MYO9A: variants seen among roughly 807,000 people sequenced by gnomAD.
MYO9A encodes the protein unconventional myosin-IXa.
In MYO9A, 103 loss-of-function variants were observed where a neutral mutation model predicts 293.3. The observed-to-expected ratio is 0.35, with a 90% CI of 0.30 to 0.41. The LOEUF is 0.41. Among genes scored for constraint, MYO9A ranks in the 10% least tolerant of loss-of-function variants. The probability of loss-of-function intolerance (pLI) is 1.00; values close to 1 mark genes in which losing one functional copy is unlikely to be tolerated. For synonymous variants in MYO9A, 1,001 were observed against 1,035.7 expected (o/e 0.97, Z 0.64); for missense variants, 2,685 against 3,033.0 (o/e 0.89, Z 2.69).
At chr15:71,841,743 T>TTCTCA (rs1385054115) in intron 39 of MYO9A, among the ~76,000 whole-genome samples, 1 of 151,674 alleles carries the variant, frequency 6.6e-6, no homozygotes, top group African/African-American at 2.4e-5. Flanking sequence ...TCAGGTGATT[T>TTCTCA]TCTCATCTCA....
chr15:71,994,681 A>G, intron 9 of MYO9A, 96 bp from the exon 10 acceptor site: 1 of 613,742 alleles, frequency 1.6e-6, no homozygotes, highest in South Asian at 3.2e-5. Context: ...GAAACTTACT[A>G]TCCTGAATTA....
At chr15:71,857,680 T>A (rs1025727147) in intron 34 of MYO9A, among the ~76,000 whole-genome samples, 1 of 151,428 alleles carries the variant, frequency 6.6e-6, no homozygotes, top group Non-Finnish European at 1.5e-5. Flanking sequence ...TATGTTTGTA[T>A]CGACAGTTTT....
At chr15:72,073,374 A>C (rs1300516167) in intron 1 of MYO9A, among the ~76,000 whole-genome samples, 1 of 152,222 alleles carries the variant, frequency 6.6e-6, no homozygotes, top group Non-Finnish European at 1.5e-5. Flanking sequence ...ACATCAAAAA[A>C]TTATAACAAA....
intron 19 of MYO9A, among the ~76,000 whole-genome samples, chr15:71,916,060 C>T (rs1292943557): frequency 1.3e-5 from 2 of 152,114 alleles, no homozygotes; most frequent in Non-Finnish European, 2.9e-5. Flanking sequence ...ATTATGCTAA[C>T]AGTGACATTA....
At chr15:72,037,565 T>C (rs2957368) in intron 2 of MYO9A, among the ~76,000 whole-genome samples, 107,258 of 151,904 alleles carry the variant, frequency 0.71, 38,419 homozygotes, top group Non-Finnish European at 0.76. Context: ...CTGGAGGCCT[T>C]AACTTCAGGC....
rs138578489 is a variant in MYO9A, at chr15:72,047,888, T to C, written c.-71-1254A>G. Among the ~76,000 whole-genome samples, 965 of 144,816 alleles carry C rather than the reference T, an allele frequency of 6.7e-3. 11 individuals are homozygous for C. Among genetic ancestry groups the C allele is most frequent in the African/African-American group, 0.024 (937 of 39,504 alleles). On this transcript the variant is annotated intron_variant, in intron 1 of 41. Transcript: ENST00000356056. ...CATCACCCGGGCTCAGGTGATCCTCTCACCTCAACCTGGCTGGGACTACAG... is the reference window on the plus strand; with the variant it reads ...CATCACCCGGGCTCAGGTGATCCTCCCACCTCAACCTGGCTGGGACTACAG...
chr15:72,014,988 C>A (rs1406792797), intron 6 of MYO9A, among the ~76,000 whole-genome samples: 1 of 150,002 alleles, frequency 6.7e-6, no homozygotes, highest in Admixed American at 6.8e-5. Context: ...GGACTACAGG[C>A]ACGTATCACC....
chr15:72,077,705 G>A (rs1223088182), intron 1 of MYO9A, among the ~76,000 whole-genome samples: 4 of 139,548 alleles, frequency 2.9e-5, no homozygotes, highest in Non-Finnish European at 4.5e-5. Context: ...ACTCCAGCCT[G>A]GGCAACAGAG....
At position 72,094,461 on chromosome 15, in the gene MYO9A, T is replaced by C. The variant is rs1227675512; in HGVS notation, c.-72+23219A>G. ...CATGTGCTCACTTCGTGTCTCTGTGTCAAATTTTGGTAATTCTTGCAGTAT... is the reference window on the plus strand; with the variant it reads ...CATGTGCTCACTTCGTGTCTCTGTGCCAAATTTTGGTAATTCTTGCAGTAT... On this transcript the variant is annotated intron_variant, in intron 1 of 41. Transcript: ENST00000356056. 2.2e-5 allele frequency among the ~76,000 whole-genome samples: 2 copies of C among 91,624 alleles called. 1 individual carries two copies. Among genetic ancestry groups the C allele is most frequent in the Non-Finnish European group, 6.6e-5 (2 of 30,286 alleles). The allele number at this position is 91,624 out of a possible 152,430, so 60.1% of individuals were successfully genotyped here.
intron 6 of MYO9A, 136 bp from the exon 7 acceptor site, chr15:72,010,583 T>C: frequency 1.5e-6 from 1 of 671,858 alleles, no homozygotes; most frequent in Non-Finnish European, 2.5e-6. Context: ...TAGTAAGACC[T>C]AGTCAAATTC....
At chr15:71,934,497 A>T (rs1312732341) in intron 17 of MYO9A, among the ~76,000 whole-genome samples, 1 of 152,162 alleles carries the variant, frequency 6.6e-6, no homozygotes, top group Non-Finnish European at 1.5e-5. Context: ...GATTCAGACA[A>T]GGATTATGGA....
chr15:72,046,238 T>C lies in MYO9A; in HGVS notation c.326A>G (p.Glu109Gly). 1 of 1,613,826 alleles carries C rather than the reference T, an allele frequency of 6.2e-7. No individual in the cohort carries two copies. Among genetic ancestry groups the C allele is most frequent in the Non-Finnish European group, 8.5e-7 (1 of 1,179,782 alleles). Reference protein sequence around the residue: ...SGEDYRFLLREKNLDGSIHYG... With the variant: ...SGEDYRFLLRGKNLDGSIHYG... ...ATGGATTGATCCATCAAGGTTTTTC[T>C]CTCTCAGAAGGAAGCGGTAGTCCTC... Residue 109 changes from glutamate (E) to glycine (G), a missense_variant, in exon 2 of 42, where the codon GAG (glutamate) becomes GGG (glycine). This residue lies in a region of MYO9A where 63 missense variants were observed against 57.9 expected (regional missense o/e 1.09). Transcript: ENST00000356056.
Position 71,822,424 on chromosome 15 carries a change from ACC to A in MYO9A, c.*4154_*4155del, listed in dbSNP as rs888760877. On this transcript the variant is annotated 3_prime_UTR_variant, in exon 42 of 42. Transcript: ENST00000356056. ...ACAGATGGTATCTTGTTACCCCTCA[ACC>A]CCCCAGCAAAGAAAAAAAAACAAAA... 5 of 151,510 alleles carry A rather than the reference ACC, an allele frequency of 3.3e-5. No homozygotes were observed. The highest frequency in any genetic ancestry group is 1.2e-4 in the African/African-American group (5 of 41,170). The allele number at this position is 151,510 out of a possible 1,614,324, so 9.4% of individuals were successfully genotyped here.
chr15:71,960,054 C>T lies in MYO9A; in HGVS notation c.2029G>A (p.Val677Ile). Reference sequence around the variant, plus strand: ...TTCTTGCTGCTTCTCAGAAGAGCTACAATGTCTGGGCGCATATGATCTGTA... The same window carrying T: ...TTCTTGCTGCTTCTCAGAAGAGCTATAATGTCTGGGCGCATATGATCTGTA... Reference protein sequence around the residue: ...KNTDHMRPDIVALLRSSKNAF... With the variant: ...KNTDHMRPDIIALLRSSKNAF... The change falls in exon 14 of 42, where the codon GTA (valine) becomes ATA (isoleucine). Residue 677 changes from valine (V) to isoleucine (I), a missense_variant. Physicochemically the swap from Val to Ile is conservative, Grantham distance 29. Transcript: ENST00000356056. 23 of 1,613,982 alleles carry T rather than the reference C, an allele frequency of 1.4e-5. No individual in the cohort carries two copies. The highest frequency in any genetic ancestry group is 1.9e-5 in the Non-Finnish European group (23 of 1,179,950).
chr15:72,091,608 A>T (rs1464862323), intron 1 of MYO9A, among the ~76,000 whole-genome samples: 1 of 152,196 alleles, frequency 6.6e-6, no homozygotes, highest in Non-Finnish European at 1.5e-5. Context: ...CTTCATATTC[A>T]AAAAAGAATG....
Position 71,862,477 on chromosome 15 carries a change from C to A in MYO9A, c.6091+23G>T, listed in dbSNP as rs778079419. ...AGAAATGTCAGTGGTTAAAAATATT[C>A]CTCAAAGATCTCTCATACTTACATT... is the stretch of plus-strand genomic sequence containing the variant. On this transcript the variant is annotated intron_variant, in intron 33 of 41. Transcript: ENST00000356056. The A allele has an allele frequency of 9.2e-6, 14 of 1,515,494 alleles. No individual in the cohort carries two copies. The East Asian group carries it at 3.2e-4, about 34-fold the overall frequency. 93.9% of individuals were successfully genotyped at this position (1,515,494 alleles called of 1,614,324 possible).
intron 34 of MYO9A, among the ~76,000 whole-genome samples, chr15:71,859,080 G>C (rs2141630147): frequency 6.6e-6 from 1 of 152,260 alleles, no homozygotes; most frequent in Non-Finnish European, 1.5e-5. Context: ...TTTAATTCCT[G>C]AATCAAATTT....
intron 39 of MYO9A, among the ~76,000 whole-genome samples, chr15:71,845,170 C>A (rs1286238001): frequency 6.6e-6 from 1 of 152,080 alleles, no homozygotes; most frequent in African/African-American, 2.4e-5. Context: ...GATCCTTTAT[C>A]CAAGGCTTTT....
At position 71,993,193 on chromosome 15, in the gene MYO9A, T is replaced by C. The variant is rs143004978; in HGVS notation, c.1587+1276A>G. ...TGGTGAAACCCATCTCAACTAAAAA[T>C]ACAAAAATTAGCCAGGCATTGTGGC... On this transcript the variant is annotated intron_variant, in intron 10 of 41. Coordinates refer to ENST00000356056, the MANE Select transcript of MYO9A (RefSeq NM_006901.4). Among the ~76,000 whole-genome samples, 1,492 of 151,848 alleles carry C rather than the reference T, an allele frequency of 9.8e-3. 23 individuals carry two copies. The highest frequency in any genetic ancestry group is 0.034 in the African/African-American group (1,405 of 41,394).
Sources: allele counts gnomAD v4.1 joint callset (sites outside exome capture counted in the v4.1 genomes callset), GRCh38; gene constraint gnomAD v4.1.1; regional missense constraint gnomAD v4.1.1; transcripts MANE v1.5; gene names NCBI Gene and HGNC (gene_info 2026-07-23, HGNC 2026-07-21).